The following GABRA5 variants were observed in gnomAD, a reference collection of about 807,000 sequenced individuals.
GABRA5 encodes gamma-aminobutyric acid type A receptor subunit alpha5.
In GABRA5, 18 loss-of-function variants were observed where a neutral mutation model predicts 47.3. The ratio of observed to expected loss-of-function variants is 0.38; its 90% confidence interval spans 0.26 to 0.56. GABRA5 has a LOEUF of 0.56. Among genes scored for constraint, GABRA5 ranks in the 20% least tolerant of loss-of-function variants. GABRA5 has a pLI of 0.71. For synonymous variants in GABRA5, 237 were observed against 229.3 expected, an observed-to-expected ratio of 1.03 and a Z score of -0.30; for missense variants, 365 against 599.3, an observed-to-expected ratio of 0.61 and a Z score of 4.08.
At chr15:26,918,829 T>C (rs12909496) in intron 7 of GABRA5, among the ~76,000 whole-genome samples, 73,337 of 151,926 alleles carry the variant, frequency 0.48, 18,448 homozygotes, top group Middle Eastern at 0.63. Context: ...ATTTTCAGTC[T>C]ATGTGTGTCC....
intron 8 of GABRA5, chr15:26,939,628 G>T (rs551902401): frequency 2.7e-5 from 16 of 599,504 alleles, no homozygotes; most frequent in African/African-American, 1.1e-4. Context: ...GCGAGGGAGT[G>T]GGGGGAGAGA....
chr15:26,889,392 G>A (rs960334982), intron 6 of GABRA5, among the ~76,000 whole-genome samples: 10 of 151,502 alleles, frequency 6.6e-5, no homozygotes, highest in African/African-American at 2.4e-4. Flanking sequence ...TTTCTGGTTG[G>A]TTGGTTTTGG....
rs754692999 is a variant in GABRA5 at position 26,943,342 on chromosome 15, G to C, written c.1005G>C (p.Leu335=). The stretch of plus-strand genomic sequence containing the variant: ...GCTATGCCTTCGTCTTCTCGGCGCT[G>C]ATAGAGTTTGCCACGGTCAATTACT... ...AVCYAFVFSA[L]IEFATVNYFT... Residue 335 remains leucine (L), a synonymous_variant, in exon 10 of 11, where the codon CTG becomes CTC. Coordinates refer to ENST00000335625, the MANE Select transcript of GABRA5 (RefSeq NM_000810.4). 18 of 1,597,036 alleles carry C rather than the reference G, an allele frequency of 1.1e-5. No individual in the cohort carries two copies. Among genetic ancestry groups the C allele is most frequent in the Non-Finnish European group, 1.5e-5 (17 of 1,172,018 alleles).
chr15:26,943,162 C>A, intron 9 of GABRA5, 53 bp from the exon 10 acceptor site: 1 of 1,367,378 alleles, frequency 7.3e-7, no homozygotes, highest in Non-Finnish European at 1.0e-6. Flanking sequence ...GTCCTGGGTG[C>A]CAGCACTGAC....
In GABRA5 at chr15:26,947,996, C is replaced by G. The variant is rs920736068; in HGVS notation, c.1152C>G (p.His384Gln). The change falls in exon 11 of 11, where the codon CAC becomes CAG. Residue 384 changes from histidine (H) to glutamine (Q), a missense_variant. Transcript: ENST00000335625. ...TNAFTTGKMS[H>Q]PPNIPKEQTP... Reference sequence around the variant, plus strand: ...CTTTTACAACTGGGAAGATGTCTCACCCCCCAAACATTCCGAAGGAACAGA... The same window carrying G: ...CTTTTACAACTGGGAAGATGTCTCAGCCCCCAAACATTCCGAAGGAACAGA... The G allele has an allele frequency of 1.3e-6, 2 of 1,598,644 alleles. No homozygotes were observed. The highest frequency in any genetic ancestry group is 1.7e-5 in the Admixed American group (1 of 57,566).
At chr15:26,888,139 C>T (rs1892923727) in intron 6 of GABRA5, among the ~76,000 whole-genome samples, 1 of 152,248 alleles carries the variant, frequency 6.6e-6, no homozygotes, top group South Asian at 2.1e-4. Context: ...GCAGTGAGCC[C>T]GAGGCATTTT....
intron 8 of GABRA5, among the ~76,000 whole-genome samples, chr15:26,937,617 A>G (rs1035116566): frequency 6.6e-6 from 1 of 152,346 alleles, no homozygotes; most frequent in East Asian, 1.9e-4. Context: ...CAGGAAAGGT[A>G]GACAGCTTCC....
chr15:26,875,422 C>T (rs1032923152), intron 3 of GABRA5, among the ~76,000 whole-genome samples: 1 of 152,206 alleles, frequency 6.6e-6, no homozygotes, highest in African/African-American at 2.4e-5. Context: ...CAGAGTGGGG[C>T]TTGCCTCCCA....
intron 6 of GABRA5, among the ~76,000 whole-genome samples, chr15:26,888,768 C>T (rs115707586): frequency 0.018 from 2,717 of 152,342 alleles, 73 homozygotes; most frequent in African/African-American, 0.062. Context: ...TCTTCCCACA[C>T]CTTCTAAAAG....
chr15:26,930,016 T>TTTG (rs1555392978), intron 7 of GABRA5, among the ~76,000 whole-genome samples: 1 of 128,416 alleles, frequency 7.8e-6, no homozygotes, highest in African/African-American at 2.9e-5. Flanking sequence ...CTTTTTTTTT[T>TTTG]TTTTTTGTTT....
chr15:26,931,335 T>C (rs1227080976), intron 7 of GABRA5, among the ~76,000 whole-genome samples: 1 of 152,170 alleles, frequency 6.6e-6, no homozygotes, highest in Admixed American at 6.5e-5. Flanking sequence ...AGATTTGATA[T>C]CTGGTCAGGG....
chr15:26,891,603 G>GC (rs1478971905), intron 6 of GABRA5, among the ~76,000 whole-genome samples: 8 of 152,220 alleles, frequency 5.3e-5, no homozygotes, highest in Non-Finnish European at 1.5e-5. Flanking sequence ...CTTGGTTAAA[G>GC]CCCCGGATTC....
At chr15:26,899,229 A>G (rs901952674) in intron 6 of GABRA5, among the ~76,000 whole-genome samples, 7 of 152,126 alleles carry the variant, frequency 4.6e-5, no homozygotes, top group Non-Finnish European at 8.8e-5. Context: ...AATGTGTTTA[A>G]TTTCCACATA....
At chr15:26,933,305 C>T (rs961886624) in intron 7 of GABRA5, among the ~76,000 whole-genome samples, 1 of 152,124 alleles carries the variant, frequency 6.6e-6, no homozygotes, top group Non-Finnish European at 1.5e-5. Context: ...CAAAGACAGC[C>T]ACTCCATTTT....
chr15:26,943,439 T>A lies in GABRA5; in HGVS notation c.1089+13T>A. The A allele has an allele frequency of 6.4e-7, 1 of 1,564,666 alleles. No homozygotes were observed. The highest frequency in any genetic ancestry group is 8.7e-7 in the Non-Finnish European group (1 of 1,152,826). ...AGCCAAGATCAAGGTACTGACTATTTCTCCTCCTTTCTTCCAGGTCCCCTT... is the reference window on the plus strand; with the variant it reads ...AGCCAAGATCAAGGTACTGACTATTACTCCTCCTTTCTTCCAGGTCCCCTT... On this transcript the variant is annotated intron_variant, in intron 10 of 10. Coordinates refer to ENST00000335625, the MANE Select transcript of GABRA5 (RefSeq NM_000810.4).
At chr15:26,884,131 C>T (rs534132538) in intron 6 of GABRA5, among the ~76,000 whole-genome samples, 2 of 151,954 alleles carry the variant, frequency 1.3e-5, no homozygotes, top group East Asian at 3.9e-4. Flanking sequence ...TGAGGTTGCA[C>T]TAAGCCATGA....
intron 6 of GABRA5, among the ~76,000 whole-genome samples, chr15:26,914,180 G>T (rs1893667075): frequency 6.6e-6 from 1 of 151,982 alleles, no homozygotes; most frequent in Admixed American, 6.5e-5. Flanking sequence ...TAATAATTAG[G>T]GTGTACCAGA....
intron 6 of GABRA5, among the ~76,000 whole-genome samples, chr15:26,905,016 G>C (rs774242641): frequency 5.3e-5 from 8 of 152,082 alleles, no homozygotes; most frequent in Non-Finnish European, 1.2e-4. Flanking sequence ...TGGTGAGAGA[G>C]GGCATTTTTG....
chr15:26,931,298 T>G (rs939316107), intron 7 of GABRA5, among the ~76,000 whole-genome samples: 25 of 152,320 alleles, frequency 1.6e-4, no homozygotes, highest in African/African-American at 5.5e-4. Context: ...TTCTGCAGGC[T>G]GGGAAGTTCA....
Sources: allele counts gnomAD v4.1 joint callset (sites outside exome capture counted in the v4.1 genomes callset), GRCh38; gene constraint gnomAD v4.1.1; transcripts MANE v1.5; gene names NCBI Gene and HGNC (gene_info 2026-07-23, HGNC 2026-07-21).